The following ZNF536 variants were observed in gnomAD, a reference collection of about 807,000 sequenced individuals.
The protein encoded by ZNF536 is zinc finger protein 536.
Under a neutral mutation model 84.5 loss-of-function variants are expected in ZNF536, and 13 were observed. The observed-to-expected ratio is 0.15, with a 90% CI of 0.10 to 0.24. The LOEUF is 0.24. Ranked by LOEUF, ZNF536 falls within the 10% of genes least tolerant of loss-of-function variation. ZNF536 has a pLI of 1.00. For synonymous variants in ZNF536, 811 were observed against 742.5 expected (o/e 1.09, Z -1.50); for missense variants, 1,536 against 1,747.5 (o/e 0.88, Z 2.16).
intron 3 of ZNF536, among the ~76,000 whole-genome samples, chr19:30,355,169 T>A (rs1222916899): frequency 6.6e-6 from 1 of 152,032 alleles, no homozygotes; most frequent in Non-Finnish European, 1.5e-5. Flanking sequence ...CTTCTGCAAC[T>A]GCATGATGGT....
intron 2 of ZNF536, among the ~76,000 whole-genome samples, chr19:30,472,389 T>C (rs1330259071): frequency 1.3e-5 from 2 of 152,206 alleles, no homozygotes; most frequent in Non-Finnish European, 2.9e-5. Context: ...TCACTAACGA[T>C]GCCCGGTATC....
At chr19:30,305,977 T>C (rs1057137647) in intron 2 of ZNF536, among the ~76,000 whole-genome samples, 2 of 152,154 alleles carry the variant, frequency 1.3e-5, no homozygotes, top group African/African-American at 2.4e-5. Context: ...TCGGTTTTTT[T>C]CCCCCCTCCA....
At chr19:30,392,044 G>C (rs1568385065) in intron 1 of ZNF536, among the ~76,000 whole-genome samples, 1 of 152,176 alleles carries the variant, frequency 6.6e-6, no homozygotes, top group Non-Finnish European at 1.5e-5. Flanking sequence ...TGGATTCTAG[G>C]TTGCGGTTCT....
intron 2 of ZNF536, among the ~76,000 whole-genome samples, chr19:30,346,670 T>C (rs1020450814): frequency 1.3e-5 from 2 of 152,244 alleles, no homozygotes; most frequent in Non-Finnish European, 2.9e-5. Flanking sequence ...TCAAAGGACA[T>C]GATCTTGTTC....
At chr19:30,394,298 C>T (rs545279845) in intron 1 of ZNF536, among the ~76,000 whole-genome samples, 12 of 152,222 alleles carry the variant, frequency 7.9e-5, no homozygotes, top group East Asian at 5.8e-4. Flanking sequence ...CCTACTTATC[C>T]GTGATGAACC....
At chr19:30,639,289 A>C (rs1290829786) in intron 1 of ZNF536, among the ~76,000 whole-genome samples, 1 of 152,230 alleles carries the variant, frequency 6.6e-6, no homozygotes, top group Non-Finnish European at 1.5e-5. Flanking sequence ...TACATAGTTA[A>C]CTATTTTTAA....
At chr19:30,667,299 C>G (rs1374816952) in intron 1 of ZNF536, among the ~76,000 whole-genome samples, 1 of 152,172 alleles carries the variant, frequency 6.6e-6, no homozygotes, top group Non-Finnish European at 1.5e-5. Flanking sequence ...ATCGCCTGTC[C>G]CAGTAGCAGA....
At chr19:30,495,701 TG>T (rs985537565) in intron 2 of ZNF536, among the ~76,000 whole-genome samples, 1 of 152,196 alleles carries the variant, frequency 6.6e-6, no homozygotes, top group Non-Finnish European at 1.5e-5. Context: ...CTGTTCTTTA[TG>T]GGGGTATCTG....
chr19:30,630,766 C>T (rs1027085466), intron 1 of ZNF536, among the ~76,000 whole-genome samples: 4 of 152,188 alleles, frequency 2.6e-5, no homozygotes, highest in African/African-American at 9.7e-5. Flanking sequence ...AAACACCCAC[C>T]CAGGGCTTTA....
intron 1 of ZNF536, among the ~76,000 whole-genome samples, chr19:30,613,153 T>C (rs764030466): frequency 6.6e-6 from 1 of 152,212 alleles, no homozygotes; most frequent in African/African-American, 2.4e-5. Context: ...GATCTTTCCT[T>C]ACTGGTGATG....
chr19:30,610,878 T>A (rs1252201384), intron 1 of ZNF536, among the ~76,000 whole-genome samples: 1 of 152,170 alleles, frequency 6.6e-6, no homozygotes, highest in Admixed American at 6.5e-5. Context: ...CAGAAATTTA[T>A]CAAAATGTAG....
At chr19:30,495,799 G>C (rs1422857586) in intron 2 of ZNF536, among the ~76,000 whole-genome samples, 1 of 152,172 alleles carries the variant, frequency 6.6e-6, no homozygotes, top group Non-Finnish European at 1.5e-5. Context: ...CAGGAAGGGT[G>C]TGACTCAGAG....
intron 2 of ZNF536, among the ~76,000 whole-genome samples, chr19:30,451,325 C>T (rs1033104318): frequency 1.3e-5 from 2 of 152,264 alleles, no homozygotes; most frequent in Non-Finnish European, 1.5e-5. Context: ...CCTCCTCCTT[C>T]CCCGGAGCCG....
At chr19:30,284,623 C>T (rs908929152) in intron 2 of ZNF536, among the ~76,000 whole-genome samples, 13 of 152,200 alleles carry the variant, frequency 8.5e-5, no homozygotes, top group East Asian at 1.9e-4. Flanking sequence ...AAACTCCTGA[C>T]GGGGTGTATT....
intron 2 of ZNF536, among the ~76,000 whole-genome samples, chr19:30,298,495 G>A (rs371622501): frequency 2.6e-5 from 4 of 152,226 alleles, no homozygotes; most frequent in East Asian, 3.9e-4. Context: ...GTTGGGGTCA[G>A]AATCTTTACA....
intron 2 of ZNF536, among the ~76,000 whole-genome samples, chr19:30,349,545 G>A (rs1049987228): frequency 6.6e-6 from 1 of 152,076 alleles, no homozygotes; most frequent in Admixed American, 6.6e-5. Context: ...TCAACTCATG[G>A]CCAATGAGAA....
chr19:30,680,234 T>TTTTCA (rs1555836143), intron 1 of ZNF536, among the ~76,000 whole-genome samples: 26 of 148,144 alleles, frequency 1.8e-4, no homozygotes, highest in African/African-American at 6.2e-4. Flanking sequence ...ATGATTATTA[T>TTTTCA]TTTTATTTTA....
intron 1 of ZNF536, among the ~76,000 whole-genome samples, chr19:30,429,240 G>A (rs987188259): frequency 3.9e-5 from 6 of 152,196 alleles, no homozygotes; most frequent in Admixed American, 2.0e-4. Flanking sequence ...GAGCACACCT[G>A]CTAGTGTGAG....
chr19:30,416,482 G>A (rs1195860135), intron 1 of ZNF536, among the ~76,000 whole-genome samples: 2 of 152,094 alleles, frequency 1.3e-5, no homozygotes, highest in African/African-American at 4.8e-5. Flanking sequence ...CATGGCATGG[G>A]AGGGATGCTC....
Sources: allele counts gnomAD v4.1 joint callset (sites outside exome capture counted in the v4.1 genomes callset), GRCh38; gene constraint gnomAD v4.1.1; transcripts MANE v1.5; gene names NCBI Gene and HGNC (gene_info 2026-07-23, HGNC 2026-07-21).